Variants in PEBP4 observed in about 807,000 individuals in gnomAD.
PEBP4 encodes phosphatidylethanolamine binding protein 4, also known as phosphatidylethanolamine-binding protein 4.
In PEBP4, 22 loss-of-function variants were observed where a neutral mutation model predicts 23.9. The observed-to-expected ratio is 0.92, with a 90% CI of 0.66 to 1.31. The LOEUF is 1.31. PEBP4 is among the 40% of genes most tolerant of loss of function. PEBP4 has a pLI of 0.00. For missense variants in PEBP4, 324 were observed against 281.7 expected, an observed-to-expected ratio of 1.15 and a Z score of -1.07; for synonymous variants, 112 against 99.3, an observed-to-expected ratio of 1.13 and a Z score of -0.76.
chr8:22,888,396 T>C (rs1270211732), intron 3 of PEBP4, among the ~76,000 whole-genome samples: 1 of 152,166 alleles, frequency 6.6e-6, no homozygotes, highest in Non-Finnish European at 1.5e-5. Flanking sequence ...TCAGGTGATC[T>C]GCCCACCTCG....
chr8:22,868,028 G>C (rs1011754670), intron 3 of PEBP4, among the ~76,000 whole-genome samples: 1 of 152,168 alleles, frequency 6.6e-6, no homozygotes, highest in African/African-American at 2.4e-5. Context: ...GGCTGGCAGG[G>C]GTCCAGGGTA....
chr8:22,927,107 C>T (rs1377854891), intron 2 of PEBP4, among the ~76,000 whole-genome samples: 6 of 152,214 alleles, frequency 3.9e-5, no homozygotes, highest in African/African-American at 1.2e-4. Context: ...GCCATGATCC[C>T]TAAAGGGCCC....
intron 2 of PEBP4, among the ~76,000 whole-genome samples, chr8:22,921,996 C>G (rs955492833): frequency 6.6e-6 from 1 of 152,200 alleles, no homozygotes. Context: ...ACCCCTCTCC[C>G]CTTTTTATCA....
At chr8:22,821,354 G>C (rs886665401) in intron 3 of PEBP4, among the ~76,000 whole-genome samples, 6 of 152,206 alleles carry the variant, frequency 3.9e-5, no homozygotes, top group African/African-American at 1.4e-4. Context: ...AGAAAGGAGA[G>C]ACATGTGTAC....
intron 3 of PEBP4, among the ~76,000 whole-genome samples, chr8:22,912,474 C>A (rs1209976973): frequency 6.6e-6 from 1 of 152,156 alleles, no homozygotes; most frequent in African/African-American, 2.4e-5. Flanking sequence ...CGGGGGATTC[C>A]GGAGGCAAAA....
At chr8:22,764,118 A>G (rs1805563449) in intron 4 of PEBP4, among the ~76,000 whole-genome samples, 1 of 152,202 alleles carries the variant, frequency 6.6e-6, no homozygotes, top group African/African-American at 2.4e-5. Context: ...AAGGATGAAG[A>G]AAAAATGGCA....
intron 4 of PEBP4, among the ~76,000 whole-genome samples, chr8:22,729,781 G>C (rs1197187955): frequency 2.6e-5 from 4 of 152,210 alleles, no homozygotes; most frequent in Non-Finnish European, 5.9e-5. Flanking sequence ...AAAGAACGGG[G>C]GAGGACCTGG....
At chr8:22,780,350 G>A (rs1405646796) in intron 4 of PEBP4, among the ~76,000 whole-genome samples, 2 of 152,140 alleles carry the variant, frequency 1.3e-5, no homozygotes, top group Admixed American at 6.5e-5. Flanking sequence ...GACCAAGGCT[G>A]TTGTTTCTCG....
In PEBP4 at chr8:22,909,615, C is replaced by T. The variant is rs144140859; in HGVS notation, c.258+10569G>A. Among the ~76,000 whole-genome samples, 398 of 152,292 alleles carry T rather than the reference C, an allele frequency of 2.6e-3. 2 individuals are homozygous for T. The highest frequency in any genetic ancestry group is 3.9e-3 in the Non-Finnish European group (266 of 68,016). On this transcript the variant is annotated intron_variant, in intron 3 of 6. Coordinates refer to ENST00000256404, the MANE Select transcript of PEBP4 (RefSeq NM_144962.3). ...GGGCCTGGAGCAGTCCCTGGAAACACCTCAGGATGTTCGGGGTGTACTGCA... is the reference window on the plus strand; with the variant it reads ...GGGCCTGGAGCAGTCCCTGGAAACATCTCAGGATGTTCGGGGTGTACTGCA...
chr8:22,876,727 G>C (rs1037890011), intron 3 of PEBP4, among the ~76,000 whole-genome samples: 2 of 152,228 alleles, frequency 1.3e-5, no homozygotes, highest in African/African-American at 4.8e-5. Context: ...AAATGAGTTA[G>C]GAATTATTTT....
chr8:22,771,667 G>A (rs1585264098), intron 4 of PEBP4, among the ~76,000 whole-genome samples: 1 of 152,184 alleles, frequency 6.6e-6, no homozygotes, highest in Non-Finnish European at 1.5e-5. Flanking sequence ...GGACCAAATT[G>A]AGGACTAGCT....
chr8:22,713,647 G>T (rs1026968561), intron 6 of PEBP4, 111 bp from the exon 7 acceptor site: 11 of 1,472,486 alleles, frequency 7.5e-6, no homozygotes, highest in African/African-American at 4.2e-5. Flanking sequence ...AGCAGGTGAT[G>T]CGATGGCCAT....
At chr8:22,727,255 T>A in intron 4 of PEBP4, 35 bp from the exon 5 acceptor site, 1 of 1,610,298 alleles carries the variant, frequency 6.2e-7, no homozygotes, top group South Asian at 1.1e-5. Context: ...GTAGGTTATG[T>A]CTTGGGCACA....
chr8:22,899,013 T>C (rs1283685331), intron 3 of PEBP4, among the ~76,000 whole-genome samples: 1 of 152,212 alleles, frequency 6.6e-6, no homozygotes, highest in Non-Finnish European at 1.5e-5. Flanking sequence ...AAGTCCATTG[T>C]CCCAGACAGG....
At chr8:22,870,551 A>C (rs914695493) in intron 3 of PEBP4, among the ~76,000 whole-genome samples, 1 of 152,226 alleles carries the variant, frequency 6.6e-6, no homozygotes, top group African/African-American at 2.4e-5. Flanking sequence ...AGAATGTACA[A>C]CACCAAGAGC....
chr8:22,886,595 C>A (rs2466241), intron 3 of PEBP4: 56,283 of 152,168 alleles, frequency 0.37, 11,341 homozygotes, highest in South Asian at 0.61. Flanking sequence ...CATGCAGGAC[C>A]CTGCCATTTG....
At chr8:22,747,514 T>A (rs576102701) in intron 4 of PEBP4, 10 of 152,242 alleles carry the variant, frequency 6.6e-5, no homozygotes, top group South Asian at 4.2e-4. Flanking sequence ...AGGTTTGTGT[T>A]TCTTTGGGCA....
chr8:22,832,297 T>G (rs753985503), intron 3 of PEBP4, among the ~76,000 whole-genome samples: 41 of 152,156 alleles, frequency 2.7e-4, no homozygotes, highest in Non-Finnish European at 2.9e-4. Context: ...GCCCTTGTGA[T>G]GGGCTAGGTA....
intron 4 of PEBP4, among the ~76,000 whole-genome samples, chr8:22,728,529 CTTCTTTCTTCCTTCCTTTCTTTCT>C (rs1563196230): frequency 4.9e-4 from 72 of 146,988 alleles, no homozygotes; most frequent in African/African-American, 1.6e-3. Flanking sequence ...TGCTGGCTTG[CTTCTTTCTTCCTTCCTTTCTTTCT>C]TTCTTTCTTC....
Sources: allele counts gnomAD v4.1 joint callset (sites outside exome capture counted in the v4.1 genomes callset), GRCh38; gene constraint gnomAD v4.1.1; transcripts MANE v1.5; gene names NCBI Gene and HGNC (gene_info 2026-07-23, HGNC 2026-07-21).